The following PARPBP variants were observed in gnomAD, a reference collection of about 807,000 sequenced individuals.
The protein encoded by PARPBP is PARP1 binding protein.
Under a neutral mutation model 50.0 loss-of-function variants are expected in PARPBP, and 52 were observed. The observed-to-expected ratio is 1.04, with a 90% CI of 0.83 to 1.31. The LOEUF is 1.31. PARPBP is among the 50% of genes most tolerant of loss of function. PARPBP has a pLI of 0.00. For synonymous variants in PARPBP, 244 were observed against 232.1 expected (o/e 1.05, Z -0.47); for missense variants, 697 against 672.0 (o/e 1.04, Z -0.41).
chr12:102,191,356 A>G lies in PARPBP; in HGVS notation c.1264-3956A>G, dbSNP rs1026817990. Reference sequence around the variant, plus strand: ...AATTTCACTGATGAAGAAAAGGATTATTTGATTTATATACAATTAATATGT... The same window carrying G: ...AATTTCACTGATGAAGAAAAGGATTGTTTGATTTATATACAATTAATATGT... On this transcript the variant is annotated intron_variant, in intron 9 of 10. Transcript: ENST00000327680. Among the ~76,000 whole-genome samples the G allele has an allele frequency of 3.9e-5, 6 of 152,208 alleles. No individual in the cohort carries two copies. The East Asian group carries it at 7.7e-4, about 19-fold the overall frequency.
intron 9 of PARPBP, among the ~76,000 whole-genome samples, chr12:102,186,157 A>G (rs530265967): frequency 5.9e-5 from 9 of 151,972 alleles, no homozygotes; most frequent in Non-Finnish European, 1.0e-4. Flanking sequence ...TATTAGTTGT[A>G]ATGTCTCCTT....
chr12:102,179,989 C>T (rs1233934424), intron 8 of PARPBP, among the ~76,000 whole-genome samples: 25 of 152,122 alleles, frequency 1.6e-4, no homozygotes, highest in Admixed American at 1.6e-3. Context: ...CTCTCCTATG[C>T]CTCAGTATCC....
intron 9 of PARPBP, among the ~76,000 whole-genome samples, chr12:102,186,424 A>G (rs944547089): frequency 1.3e-5 from 2 of 151,482 alleles, no homozygotes; most frequent in African/African-American, 4.8e-5. Context: ...GCTTATTTGA[A>G]GTTTTTCTTG....
chr12:102,183,058 C>G (rs1168164403), intron 9 of PARPBP, among the ~76,000 whole-genome samples: 2 of 152,170 alleles, frequency 1.3e-5, no homozygotes, highest in African/African-American at 4.8e-5. Flanking sequence ...GCATTTTACA[C>G]TGCTCTTGAC....
intron 9 of PARPBP, among the ~76,000 whole-genome samples, chr12:102,193,367 T>C (rs967394944): frequency 6.6e-6 from 1 of 151,908 alleles, no homozygotes; most frequent in African/African-American, 2.4e-5. Flanking sequence ...TTTAGAATAT[T>C]TTATGGGTGG....
At position 102,196,036 on chromosome 12, in the gene PARPBP, A is replaced by G; in HGVS notation, c.1485A>G (p.Val495=). 1.9e-6 allele frequency: 3 copies of G among 1,611,518 alleles called. No homozygotes were observed. The highest frequency in any genetic ancestry group is 1.7e-6 in the Non-Finnish European group (2 of 1,178,490). The change falls in exon 11 of 11, where the codon GTA becomes GTG. Residue 495 remains valine (V), a synonymous_variant. Transcript: ENST00000327680. ...VHLDRSKNEK[V]SRKSTSQTGN... ...TGGACAGAAGTAAAAATGAAAAAGT[A>G]TCAAGAAAATCAACCAGTCAGACAG...
intron 4 of PARPBP, among the ~76,000 whole-genome samples, chr12:102,161,231 G>A (rs1291565288): frequency 1.3e-5 from 2 of 151,768 alleles, no homozygotes; most frequent in African/African-American, 2.4e-5. Context: ...ACAGCCTCCC[G>A]AGTAGCTGGG....
Position 102,195,321 on chromosome 12 carries a change from A to C in PARPBP, c.1273A>C (p.Thr425Pro), listed in dbSNP as rs1891193263. ...MQEKKIKMKQTLIRSQFACTY... is the reference protein window; with the variant it reads ...MQEKKIKMKQPLIRSQFACTY... ...TTCTTTCTGTTACTAGATGAAGCAA[A>C]CTTTAATTAGATCCCAATTTGCTTG... Residue 425 changes from threonine (T) to proline (P), a missense_variant, in exon 10 of 11, where the codon ACT becomes CCT. Physicochemically the swap from Thr to Pro is conservative, Grantham distance 38. Transcript: ENST00000327680. The C allele has an allele frequency of 1.3e-6, 2 of 1,541,980 alleles. No individual in the cohort carries two copies. The highest frequency in any genetic ancestry group is 2.8e-5 in the African/African-American group (2 of 72,076).
At chr12:102,135,231 A>T (rs1481176036) in intron 2 of PARPBP, among the ~76,000 whole-genome samples, 1 of 152,150 alleles carries the variant, frequency 6.6e-6, no homozygotes. Context: ...TTACATACTG[A>T]ATCGGAGAAA....
intron 3 of PARPBP, chr12:102,148,768 T>G (rs1885777673): frequency 1.3e-5 from 3 of 239,272 alleles, no homozygotes; most frequent in African/African-American, 6.6e-5. Flanking sequence ...TGTCAAAGAT[T>G]GCTTTTGTAT....
In PARPBP at chr12:102,195,391, ATGT is replaced by A; in HGVS notation, c.1345_1347del (p.Val449del). On this transcript the variant is annotated inframe_deletion, in exon 10 of 11. Transcript: ENST00000327680. The stretch of plus-strand genomic sequence containing the variant: ...ATGATAAGCAAGGATAATTGGAATA[ATGT>A]TAATTTAGCATCAAAGCCTTTGTGT... 2.5e-6 allele frequency: 4 copies of A among 1,591,826 alleles called. No individual in the cohort carries two copies. In the South Asian group the frequency reaches 4.5e-5, roughly 18 times the overall value.
chr12:102,178,848 A>AGC, intron 8 of PARPBP, 78 bp downstream of exon 8: 1 of 856,338 alleles, frequency 1.2e-6, no homozygotes, highest in Non-Finnish European at 1.7e-6. Context: ...TTATGGTAGG[A>AGC]AACTTAGAAA....
At chr12:102,151,687 G>A (rs1886228441) in intron 3 of PARPBP, 1 of 1,535,530 alleles carries the variant, frequency 6.5e-7, no homozygotes, top group Non-Finnish European at 8.7e-7. Context: ...GCGGCAGAAG[G>A]GAGAGTCCCT....
At chr12:102,158,667 C>T (rs1887227614) in intron 4 of PARPBP, among the ~76,000 whole-genome samples, 1 of 151,424 alleles carries the variant, frequency 6.6e-6, no homozygotes, top group Admixed American at 6.6e-5. Context: ...AAAGTGATTG[C>T]CAAATTGCCT....
In PARPBP at chr12:102,165,721, A is replaced by C; in HGVS notation, c.667-8A>C. 6.3e-7 allele frequency: 1 copy of C among 1,596,560 alleles called. No homozygotes were observed. Among genetic ancestry groups the C allele is most frequent in the East Asian group, 2.2e-5 (1 of 44,720 alleles). On this transcript the variant is annotated splice_polypyrimidine_tract_variant and splice_region_variant and intron_variant, in intron 5 of 10. Transcript: ENST00000327680. ...GGACATAACTTATCCGTTTGTTTTAATTCATAGGTGGCCACGTCTTTTATT... is the reference window on the plus strand; with the variant it reads ...GGACATAACTTATCCGTTTGTTTTACTTCATAGGTGGCCACGTCTTTTATT...
chr12:102,192,822 A>G (rs958783830), intron 9 of PARPBP, among the ~76,000 whole-genome samples: 7 of 152,018 alleles, frequency 4.6e-5, no homozygotes, highest in African/African-American at 1.4e-4. Context: ...TGCTTGTCAC[A>G]TAGTTGGAAC....
At chr12:102,134,478 G>C (rs942028564) in intron 2 of PARPBP, among the ~76,000 whole-genome samples, 26 of 152,062 alleles carry the variant, frequency 1.7e-4, no homozygotes, top group African/African-American at 6.3e-4. Flanking sequence ...TTTTATTAAA[G>C]AAAAGCCCAG....
chr12:102,163,703 C>T (rs1202415776), intron 4 of PARPBP, among the ~76,000 whole-genome samples: 1 of 152,174 alleles, frequency 6.6e-6, no homozygotes, highest in Non-Finnish European at 1.5e-5. Context: ...CTTTCTTCTA[C>T]TCTCTCCAAG....
At position 102,120,257 on chromosome 12, in the gene PARPBP, G is replaced by C. The variant is rs1209837033; in HGVS notation, c.-33G>C. The C allele has an allele frequency of 3.6e-6, 1 of 278,522 alleles. No homozygotes were observed. Among genetic ancestry groups the C allele is most frequent in the Non-Finnish European group, 7.5e-6 (1 of 133,696 alleles). The allele number at this position is 278,522 out of a possible 1,614,324, so 17.3% of individuals were successfully genotyped here. On this transcript the variant is annotated 5_prime_UTR_variant, in exon 1 of 11. Coordinates refer to ENST00000327680, the MANE Select transcript of PARPBP (RefSeq NM_017915.5). ...GTTGGGGATCCTTCCGCACACTGAA[G>C]AGTACGTCTTCGGGTCTACCCCTAA...
Sources: allele counts gnomAD v4.1 joint callset (sites outside exome capture counted in the v4.1 genomes callset), GRCh38; gene constraint gnomAD v4.1.1; transcripts MANE v1.5; gene names NCBI Gene and HGNC (gene_info 2026-07-23, HGNC 2026-07-21).